PRPF6: variants seen among roughly 807,000 people sequenced by gnomAD.
The protein encoded by PRPF6 is pre-mRNA-processing factor 6.
PRPF6 carries 42 observed loss-of-function variants against 118.3 expected under a neutral mutation model. That is an observed-to-expected ratio of 0.35 (90% CI 0.28 to 0.46). The LOEUF is 0.46. Ranked by LOEUF, PRPF6 falls within the 20% of genes least tolerant of loss-of-function variation. The pLI, the probability that PRPF6 is intolerant of heterozygous loss-of-function variation, is 1.00. For missense variants in PRPF6, 662 were observed against 1,255.7 expected (o/e 0.53, Z 7.15); for synonymous variants, 481 against 485.1 (o/e 0.99, Z 0.11).
rs936295533 is a variant in PRPF6, at chr20:64,027,852, TGGG to T, written c.2339+120_2339+122del. On this transcript the variant is annotated intron_variant, in intron 17 of 20. Transcript: ENST00000266079. This position sits in a 1 kb window ranked among gnomAD's most constrained non-coding sequence, Gnocchi z 6.5. ...TGCAGTGCTTCCAGGCTCAGGGGCT[TGGG>T]GGGCGGTAGGTGCTGGCCATGAAAA... 50 of 1,463,132 alleles carry T rather than the reference TGGG, an allele frequency of 3.4e-5. No individual in the cohort carries two copies. Among genetic ancestry groups the T allele is most frequent in the Non-Finnish European group, 4.8e-5 (50 of 1,048,314 alleles). The allele number at this position is 1,463,132 out of a possible 1,614,324, so 90.6% of individuals were successfully genotyped here. A position where few individuals can be genotyped will look rare whatever the true frequency, so the allele number is the denominator to read the frequency against.
intron 4 of PRPF6, among the ~76,000 whole-genome samples, chr20:63,994,535 T>G (rs1219987587): frequency 6.6e-6 from 1 of 152,188 alleles, no homozygotes; most frequent in Non-Finnish European, 1.5e-5. Context: ...ATCTCAGCAC[T>G]TTGGGAGGCT....
At chr20:64,009,829 C>A (rs2059207763) in intron 9 of PRPF6, among the ~76,000 whole-genome samples, 1 of 152,172 alleles carries the variant, frequency 6.6e-6, no homozygotes, top group South Asian at 2.1e-4. Flanking sequence ...CTTATTTTAC[C>A]AAGATTAGTT....
intron 12 of PRPF6, 97 bp from the exon 13 acceptor site, chr20:64,022,660 T>G: frequency 6.5e-7 from 1 of 1,541,244 alleles, no homozygotes; most frequent in Non-Finnish European, 8.9e-7. Context: ...CTAGCAGATA[T>G]CATCTTTCAG....
At position 64,016,644 on chromosome 20, in the gene PRPF6, C is replaced by G. The variant is rs116679693; in HGVS notation, c.1525-79C>G. ...CTGATGTCTGTCAGTTTTAACCGTT[C>G]AGGAACTCCGTACTCCCCGTTGGGA... On this transcript the variant is annotated intron_variant, in intron 11 of 20. Transcript: ENST00000266079. The G allele has an allele frequency of 4.4e-3, 6,864 of 1,574,490 alleles. 208 individuals carry two copies. The African/African-American group carries it at 0.068, about 16-fold the overall frequency.
intron 9 of PRPF6, among the ~76,000 whole-genome samples, chr20:64,005,292 A>C (rs2059184928): frequency 6.6e-6 from 1 of 152,210 alleles, no homozygotes; most frequent in Non-Finnish European, 1.5e-5. Context: ...GTCGTAAGTT[A>C]ATGACTCCAT....
intron 3 of PRPF6, among the ~76,000 whole-genome samples, chr20:63,993,088 C>T (rs1236889992): frequency 6.6e-6 from 1 of 151,478 alleles, no homozygotes; most frequent in Non-Finnish European, 1.5e-5. Context: ...TGGTGGCGAG[C>T]ACCTGTAATC....
intron 20 of PRPF6, among the ~76,000 whole-genome samples, chr20:64,032,259 C>T (rs934745991): frequency 2.2e-4 from 34 of 152,242 alleles, no homozygotes; most frequent in Non-Finnish European, 4.1e-4. Flanking sequence ...CTCACAGCTC[C>T]ACACCCTGGA....
rs750381975 is a variant in PRPF6, at chr20:64,010,321, G to A, written c.1305+3G>A. On this transcript the variant is annotated splice_donor_region_variant and intron_variant, in intron 10 of 20. Coordinates refer to ENST00000266079, the MANE Select transcript of PRPF6 (RefSeq NM_012469.4). The stretch of plus-strand genomic sequence containing the variant: ...AGTGCTGCCCCACCAGCGTGGAGGT[G>A]AGTCTGGCGGGCTCAGGGCCACCAG... 5 of 1,611,978 alleles carry A rather than the reference G, an allele frequency of 3.1e-6. No homozygotes were observed. In the South Asian group the frequency reaches 5.5e-5, roughly 18 times the overall value.
chr20:64,001,310 G>A (rs1158330787), intron 9 of PRPF6, 71 bp downstream of exon 9: 7 of 1,555,658 alleles, frequency 4.5e-6, no homozygotes, highest in Non-Finnish European at 5.3e-6. Flanking sequence ...TCCTGCTCCT[G>A]GCTCAGGCTT....
At chr20:64,013,022 T>G (rs2059221618) in intron 11 of PRPF6, among the ~76,000 whole-genome samples, 1 of 149,744 alleles carries the variant, frequency 6.7e-6, no homozygotes, top group South Asian at 2.1e-4. Flanking sequence ...TAGAGTGCAG[T>G]GGCACGATCT....
At chr20:63,983,304 G>T (rs1011225557) in intron 2 of PRPF6, 89 bp downstream of exon 2, 1 of 1,492,408 alleles carries the variant, frequency 6.7e-7, no homozygotes, top group Non-Finnish European at 9.3e-7. Flanking sequence ...GTAATGAATG[G>T]CTTGGAGTGG....
chr20:63,987,543 C>T (rs769359756), intron 3 of PRPF6, among the ~76,000 whole-genome samples: 6 of 151,976 alleles, frequency 3.9e-5, no homozygotes, highest in Non-Finnish European at 7.4e-5. Flanking sequence ...AAAACTGGAA[C>T]GCAACAAGGA....
chr20:64,007,886 C>A (rs981749635), intron 9 of PRPF6, among the ~76,000 whole-genome samples: 19 of 152,214 alleles, frequency 1.2e-4, no homozygotes, highest in African/African-American at 4.6e-4. Flanking sequence ...AAGCGATTCT[C>A]CTGCCTCAGC....
chr20:63,981,361 G>A (rs749070680), intron 1 of PRPF6, 45 bp downstream of exon 1: 5 of 1,532,308 alleles, frequency 3.3e-6, no homozygotes, highest in Non-Finnish European at 4.4e-6. Context: ...CCGGCTACAG[G>A]AGCGCAGTGC....
chr20:64,014,959 CCTTAA>C (rs1374597512), intron 11 of PRPF6, among the ~76,000 whole-genome samples: 1 of 152,072 alleles, frequency 6.6e-6, no homozygotes, highest in Non-Finnish European at 1.5e-5. Flanking sequence ...TTGTGACTGG[CCTTAA>C]CTTAGTGTGT....
intron 3 of PRPF6, among the ~76,000 whole-genome samples, chr20:63,989,793 G>A (rs2059110638): frequency 6.6e-6 from 1 of 151,746 alleles, no homozygotes; most frequent in South Asian, 2.1e-4. Context: ...GATTACAGAC[G>A]TGAGCCACTG....
intron 12 of PRPF6, among the ~76,000 whole-genome samples, chr20:64,019,788 G>A (rs1044695973): frequency 1.3e-5 from 2 of 152,248 alleles, no homozygotes; most frequent in Non-Finnish European, 2.9e-5. Context: ...GCTGGTTTCT[G>A]TGCTGGTTGA....
intron 4 of PRPF6, among the ~76,000 whole-genome samples, chr20:63,994,576 T>C (rs2059133160): frequency 6.6e-6 from 1 of 152,132 alleles, no homozygotes; most frequent in Non-Finnish European, 1.5e-5. Flanking sequence ...GCCCAGGAGT[T>C]TGAGACCAGC....
chr20:64,004,762 C>G (rs185578736), intron 9 of PRPF6, among the ~76,000 whole-genome samples: 1 of 152,308 alleles, frequency 6.6e-6, no homozygotes, highest in Non-Finnish European at 1.5e-5. Flanking sequence ...GGGTGTCCCA[C>G]GTGCAGAGTC....
Sources: allele counts gnomAD v4.1 joint callset (sites outside exome capture counted in the v4.1 genomes callset), GRCh38; gene constraint gnomAD v4.1.1; non-coding constraint Gnocchi (gnomAD v3.1); transcripts MANE v1.5; gene names NCBI Gene and HGNC (gene_info 2026-07-23, HGNC 2026-07-21).